GRID2: variants seen among roughly 807,000 people sequenced by gnomAD.
GRID2 encodes the protein glutamate ionotropic receptor delta type subunit 2, also known as glutamate receptor ionotropic, delta-2.
A neutral mutation model predicts 114.8 loss-of-function variants in GRID2; 33 were observed. The ratio of observed to expected loss-of-function variants is 0.29; its 90% CI spans 0.22 to 0.38. The LOEUF (loss-of-function observed/expected upper bound fraction) is 0.38, where lower values mean the gene tolerates loss of function less well. Ranked by LOEUF, GRID2 falls within the 10% of genes least tolerant of loss-of-function variation. The pLI, the probability that GRID2 is intolerant of heterozygous loss-of-function variation, is 1.00. For missense variants in GRID2, 1,184 were observed against 1,257.7 expected, an observed-to-expected ratio of 0.94 and a Z score of 0.89; for synonymous variants, 505 against 449.9, an observed-to-expected ratio of 1.12 and a Z score of -1.55.
chr4:93,271,003 G>T (rs1013200694), intron 8 of GRID2, among the ~76,000 whole-genome samples: 1 of 152,114 alleles, frequency 6.6e-6, no homozygotes, highest in Admixed American at 6.5e-5. Flanking sequence ...GAAAATTTAT[G>T]CATGATTGAC....
chr4:92,991,368 G>T (rs186782342), intron 2 of GRID2, among the ~76,000 whole-genome samples: 4 of 152,264 alleles, frequency 2.6e-5, no homozygotes, highest in Non-Finnish European at 5.9e-5. Flanking sequence ...TCAGAGTAAA[G>T]CATAGTAAGC....
chr4:92,403,426 G>A (rs1002339001), intron 1 of GRID2, among the ~76,000 whole-genome samples: 10 of 151,952 alleles, frequency 6.6e-5, no homozygotes, highest in Admixed American at 2.6e-4. Flanking sequence ...GGCCAGGCAT[G>A]GTGGCTCATG....
intron 14 of GRID2, among the ~76,000 whole-genome samples, chr4:93,664,657 G>A (rs576654215): frequency 9.9e-5 from 15 of 152,278 alleles, no homozygotes; most frequent in African/African-American, 3.1e-4. Context: ...GGGTAGGGAC[G>A]TGAAAATTGG....
At chr4:93,186,208 T>C (rs541733681) in intron 4 of GRID2, among the ~76,000 whole-genome samples, 115 of 152,298 alleles carry the variant, frequency 7.6e-4, no homozygotes, top group African/African-American at 2.6e-3. Context: ...GCAATAAACA[T>C]ACGCATGCGT....
rs562396947 is a variant in GRID2 at position 93,301,370 on chromosome 4, A to G, written c.1245+62880A>G. ...CAAGCTCCACACTGTGGGACTTCCT[A>G]AATTAAAAAGTAGTTATTTTCTCAT... is the stretch of plus-strand genomic sequence containing the variant. On this transcript the variant is annotated intron_variant, in intron 8 of 15. Coordinates refer to ENST00000282020, the MANE Select transcript of GRID2 (RefSeq NM_001510.4). Among the ~76,000 whole-genome samples the G allele has an allele frequency of 3.9e-5, 6 of 152,308 alleles. No individual in the cohort carries two copies. The South Asian group carries it at 1.2e-3, about 32-fold the overall frequency.
chr4:92,697,595 T>G (rs1734479544), intron 2 of GRID2, among the ~76,000 whole-genome samples: 2 of 152,152 alleles, frequency 1.3e-5, no homozygotes. Context: ...CAGCCTATGT[T>G]GTGGTAGTGC....
chr4:92,796,657 T>G (rs1457511488), intron 2 of GRID2, among the ~76,000 whole-genome samples: 1 of 151,954 alleles, frequency 6.6e-6, no homozygotes, highest in Non-Finnish European at 1.5e-5. Context: ...GGCAGATATC[T>G]TTTCTTCTTA....
intron 12 of GRID2, among the ~76,000 whole-genome samples, chr4:93,513,232 C>T (rs1002817107): frequency 4.6e-5 from 7 of 152,084 alleles, no homozygotes; most frequent in African/African-American, 9.7e-5. Context: ...ACTGAACAAA[C>T]GAGTATTGTT....
chr4:93,752,868 A>G (rs17021080), intron 14 of GRID2, among the ~76,000 whole-genome samples: 19,415 of 152,008 alleles, frequency 0.13, 1,586 homozygotes, highest in East Asian at 0.41. Context: ...TAAAATCCAT[A>G]TTGTCCATTT....
chr4:92,639,577 A>G (rs190512112), intron 2 of GRID2, among the ~76,000 whole-genome samples: 116 of 151,860 alleles, frequency 7.6e-4, no homozygotes, highest in African/African-American at 2.5e-3. Flanking sequence ...GTTTTCTCCT[A>G]TACAAAGTGG....
intron 14 of GRID2, among the ~76,000 whole-genome samples, chr4:93,741,193 A>ATG (rs1731376240): frequency 6.5e-5 from 2 of 30,638 alleles, no homozygotes; most frequent in South Asian, 1.2e-3. Context: ...ATATATATAT[A>ATG]TATATATGTA....
chr4:93,636,189 A>G (rs1178405033), intron 14 of GRID2, among the ~76,000 whole-genome samples: 1 of 152,168 alleles, frequency 6.6e-6, no homozygotes, highest in East Asian at 1.9e-4. Flanking sequence ...TTTCAGCTGG[A>G]TAATAAGCCC....
At chr4:93,633,867 G>A (rs1108560) in intron 14 of GRID2, among the ~76,000 whole-genome samples, 4 of 151,964 alleles carry the variant, frequency 2.6e-5, no homozygotes, top group Non-Finnish European at 5.9e-5. Flanking sequence ...GGAATGGGGT[G>A]CTTTCCAAGC....
intron 1 of GRID2, among the ~76,000 whole-genome samples, chr4:92,513,098 T>C (rs2149133274): frequency 6.6e-6 from 1 of 152,032 alleles, no homozygotes; most frequent in Middle Eastern, 3.4e-3. Context: ...CTTCCTAAAC[T>C]GGTGTGTACT....
At chr4:93,726,811 C>T (rs536471894) in intron 14 of GRID2, among the ~76,000 whole-genome samples, 68 of 152,216 alleles carry the variant, frequency 4.5e-4, no homozygotes, top group African/African-American at 1.6e-3. Flanking sequence ...TATAAGAATG[C>T]TTGTGATTTT....
intron 10 of GRID2, among the ~76,000 whole-genome samples, chr4:93,440,795 T>C (rs1721554420): frequency 6.6e-6 from 1 of 152,254 alleles, no homozygotes; most frequent in East Asian, 1.9e-4. Context: ...TTGCAGGTGA[T>C]ATTTAATTGG....
intron 9 of GRID2, among the ~76,000 whole-genome samples, chr4:93,404,339 T>C (rs1009116721): frequency 1.3e-4 from 20 of 152,234 alleles, no homozygotes; most frequent in African/African-American, 3.6e-4. Flanking sequence ...TTTGCGAATA[T>C]ACTAAAGCTA....
At chr4:92,978,356 C>A (rs1753995792) in intron 2 of GRID2, among the ~76,000 whole-genome samples, 1 of 152,078 alleles carries the variant, frequency 6.6e-6, no homozygotes, top group Non-Finnish European at 1.5e-5. Flanking sequence ...CCTGTTTATT[C>A]TCTTTAAGAA....
chr4:93,651,952 C>T (rs1238403637), intron 14 of GRID2, among the ~76,000 whole-genome samples: 2 of 152,054 alleles, frequency 1.3e-5, no homozygotes, highest in Admixed American at 6.6e-5. Context: ...GTTTTGGGAC[C>T]ACAGGGAAGC....
Sources: allele counts gnomAD v4.1 joint callset (sites outside exome capture counted in the v4.1 genomes callset), GRCh38; gene constraint gnomAD v4.1.1; transcripts MANE v1.5; gene names NCBI Gene and HGNC (gene_info 2026-07-23, HGNC 2026-07-21).